Variants in EPS8L2 observed in about 807,000 individuals in gnomAD.
EPS8L2 encodes EPS8 signaling adaptor L2.
EPS8L2 carries 81 observed loss-of-function variants against 99.4 expected under a neutral mutation model. That is an observed-to-expected ratio of 0.82 (90% confidence interval 0.68 to 0.98). The LOEUF is 0.98. Ranked by LOEUF, EPS8L2 falls within the 50% of genes least tolerant of loss-of-function variation. The pLI, the probability that EPS8L2 is intolerant of heterozygous loss-of-function variation, is 0.00. For missense variants in EPS8L2, 1,155 were observed against 968.8 expected, an observed-to-expected ratio of 1.19 and a Z score of -2.55; for synonymous variants, 509 against 407.3, an observed-to-expected ratio of 1.25 and a Z score of -3.01.
chr11:710,032 C>A, intron 3 of EPS8L2: 1 of 348,672 alleles, frequency 2.9e-6, no homozygotes, highest in Non-Finnish European at 5.4e-6. Context: ...GACAAGGTGC[C>A]TAGTCTGGAA....
In EPS8L2 at chr11:727,002, G is replaced by A. The variant is rs770917221; in HGVS notation, c.*21G>A. The A allele has an allele frequency of 7.0e-6, 11 of 1,563,076 alleles. No individual in the cohort carries two copies. Among genetic ancestry groups the A allele is most frequent in the African/African-American group, 5.4e-5 (4 of 73,676 alleles). ...GCTAGGCCCAGCTGCCTTGGGCTGG[G>A]GCCTGCGGAGGGGAAGCCCACCCAC... On this transcript the variant is annotated 3_prime_UTR_variant, in exon 21 of 21. Transcript: ENST00000318562.
intron 4 of EPS8L2, among the ~76,000 whole-genome samples, chr11:715,618 G>GTTTTTTTTTTTTTTTTTTT (rs929222502): frequency 8.3e-6 from 1 of 120,038 alleles, no homozygotes; most frequent in Admixed American, 8.6e-5. Flanking sequence ...TTTTTCTTTT[G>GTTTTTTTTTTTTTTTTTTT]TTTTTTTTTT....
chr11:726,698 G>A lies in EPS8L2; in HGVS notation c.2014G>A (p.Glu672Lys), dbSNP rs764708981. 1.9e-6 allele frequency: 3 copies of A among 1,588,610 alleles called. No homozygotes were observed. The highest frequency in any genetic ancestry group is 1.3e-5 in the African/African-American group (1 of 74,724). Residue 672 changes from glutamate to lysine, a missense_variant, in exon 20 of 21, where the codon GAG becomes AAG. Coordinates refer to ENST00000318562, the MANE Select transcript of EPS8L2 (RefSeq NM_022772.4). The part of the protein sequence containing the change: ...NKEELKKVCG[E>K]EGVRVYSQLT... ...GGAGGAGCTGAAGAAAGTGTGCGGC[G>A]AGGAGGGCGTCCGCGTGTACAGCCA...
chr11:707,829 C>T (rs747356030), intron 1 of EPS8L2, among the ~76,000 whole-genome samples: 7 of 152,160 alleles, frequency 4.6e-5, no homozygotes, highest in Non-Finnish European at 1.0e-4. Flanking sequence ...TGCAAGGGTG[C>T]GTTGGTGTCT....
intron 4 of EPS8L2, among the ~76,000 whole-genome samples, chr11:716,454 G>T (rs955148202): frequency 3.3e-5 from 5 of 152,094 alleles, no homozygotes; most frequent in Non-Finnish European, 7.3e-5. Context: ...CAAGAGTTTT[G>T]CCATGTTGGC....
At chr11:710,991 C>T (rs1423221492) in intron 4 of EPS8L2, among the ~76,000 whole-genome samples, 1 of 152,150 alleles carries the variant, frequency 6.6e-6, no homozygotes, top group Non-Finnish European at 1.5e-5. Flanking sequence ...TGCTGCCCAG[C>T]CCTGGATGGG....
At chr11:716,306 G>A (rs1317392983) in intron 4 of EPS8L2, among the ~76,000 whole-genome samples, 1 of 151,910 alleles carries the variant, frequency 6.6e-6, no homozygotes, top group Non-Finnish European at 1.5e-5. Context: ...CCGCCACCCC[G>A]CCCGGCTAAT....
chr11:719,509 C>T (rs752450403), intron 4 of EPS8L2, among the ~76,000 whole-genome samples: 7 of 152,374 alleles, frequency 4.6e-5, no homozygotes, highest in East Asian at 3.9e-4. Flanking sequence ...GGACGCATCC[C>T]GCACACACTT....
Position 727,308 on chromosome 11 carries a change from T to A in EPS8L2, c.*327T>A. 4.2e-6 allele frequency: 1 copy of A among 238,038 alleles called. No individual in the cohort carries two copies. 14.7% of individuals were successfully genotyped at this position (238,038 alleles called of 1,614,324 possible). A position where few individuals can be genotyped will look rare whatever the true frequency, so the allele number is the denominator to read the frequency against. The stretch of plus-strand genomic sequence containing the variant: ...TGTGCACCTGGGGGGTCCTGGCCCC[T>A]GTGATGCTCCCCCATCCCCACCCAC... On this transcript the variant is annotated 3_prime_UTR_variant, in exon 21 of 21. Coordinates refer to ENST00000318562, the MANE Select transcript of EPS8L2 (RefSeq NM_022772.4).
rs1205018701 is a variant in EPS8L2 at position 724,590 on chromosome 11, T to C, written c.1455-134T>C. 1.5e-6 allele frequency: 1 copy of C among 647,332 alleles called. No individual in the cohort carries two copies. The highest frequency in any genetic ancestry group is 2.8e-6 in the Non-Finnish European group (1 of 361,154). 40.1% of individuals were successfully genotyped at this position (647,332 alleles called of 1,614,324 possible). A position where few individuals can be genotyped will look rare whatever the true frequency, so the allele number is the denominator to read the frequency against. On this transcript the variant is annotated intron_variant, in intron 15 of 20. Coordinates refer to ENST00000318562, the MANE Select transcript of EPS8L2 (RefSeq NM_022772.4). This position sits in a 1 kb window ranked among gnomAD's most constrained non-coding sequence, Gnocchi z 5.5. ...CCGGGCTGACGCTGCCTGCAGCCTC[T>C]CTCCACGGTGACCTCCAGAACAGAA...
At chr11:714,576 G>A (rs1047029196) in intron 4 of EPS8L2, among the ~76,000 whole-genome samples, 17 of 149,224 alleles carry the variant, frequency 1.1e-4, no homozygotes, top group African/African-American at 4.9e-5. Context: ...AGGCTTTTGC[G>A]TTTAGGGCCA....
At chr11:713,568 A>G (rs61876710) in intron 4 of EPS8L2, among the ~76,000 whole-genome samples, 6 of 151,986 alleles carry the variant, frequency 3.9e-5, no homozygotes, top group African/African-American at 7.2e-5. Context: ...TCTCTGAGAC[A>G]GAGTCTCACC....
intron 8 of EPS8L2, 32 bp from the exon 9 acceptor site, chr11:721,253 G>C: frequency 6.5e-7 from 1 of 1,537,432 alleles, no homozygotes. Context: ...GTTGTGGGGG[G>C]CTCGGTGAGC....
At chr11:713,564 A>T (rs914118025) in intron 4 of EPS8L2, among the ~76,000 whole-genome samples, 9 of 152,000 alleles carry the variant, frequency 5.9e-5, no homozygotes, top group African/African-American at 1.9e-4. Flanking sequence ...TTTTTCTCTG[A>T]GACAGAGTCT....
intron 4 of EPS8L2, among the ~76,000 whole-genome samples, chr11:713,306 C>T (rs1564971217): frequency 6.6e-6 from 1 of 152,230 alleles, no homozygotes; most frequent in East Asian, 1.9e-4. Flanking sequence ...CCCATCACTC[C>T]AAACCTGTGA....
At chr11:721,491 G>C in intron 9 of EPS8L2, 74 bp from the exon 10 acceptor site, 4 of 1,512,158 alleles carry the variant, frequency 2.6e-6, no homozygotes, top group Middle Eastern at 3.5e-4. Context: ...CCCATCATCT[G>C]TGGGGCTGTC....
At chr11:711,594 C>G (rs1232697211) in intron 4 of EPS8L2, among the ~76,000 whole-genome samples, 1 of 152,116 alleles carries the variant, frequency 6.6e-6, no homozygotes, top group South Asian at 2.1e-4. Context: ...GCAATCCTCC[C>G]CCCTCCTAGC....
At position 720,978 on chromosome 11, in the gene EPS8L2, G is replaced by GCCCGGCAGGGGCGGGGAGGAGC. The variant is rs5789193; in HGVS notation, c.557+71_557+72insCGGCAGGGGCGGGGAGGAGCCC. ...AGGAGCCCGGCAGGGGAGGGGAGGA[G>GCCCGGCAGGGGCGGGGAGGAGC]CCGGCAGGGGAGGGGAGGAGCCCGG... On this transcript the variant is annotated intron_variant, in intron 7 of 20. Transcript: ENST00000318562. The GCCCGGCAGGGGCGGGGAGGAGC allele has an allele frequency of 9.1e-6, 10 of 1,101,994 alleles. 1 individual carries two copies. Among genetic ancestry groups the GCCCGGCAGGGGCGGGGAGGAGC allele is most frequent in the Non-Finnish European group, 1.1e-5 (9 of 803,282 alleles). The allele number at this position is 1,101,994 out of a possible 1,614,324, so 68.3% of individuals were successfully genotyped here.
intron 4 of EPS8L2, among the ~76,000 whole-genome samples, chr11:715,018 A>T (rs372444828): frequency 1.3e-5 from 2 of 152,104 alleles, no homozygotes; most frequent in Non-Finnish European, 2.9e-5. Context: ...TGAGGTGGGC[A>T]GATCACAAGG....
Sources: allele counts gnomAD v4.1 joint callset (sites outside exome capture counted in the v4.1 genomes callset), GRCh38; gene constraint gnomAD v4.1.1; non-coding constraint Gnocchi (gnomAD v3.1); transcripts MANE v1.5; gene names NCBI Gene and HGNC (gene_info 2026-07-23, HGNC 2026-07-21).